Variants in SORCS2 observed in about 807,000 individuals in gnomAD.
SORCS2 encodes the protein sortilin related VPS10 domain containing receptor 2.
Under a neutral mutation model 141.6 loss-of-function variants are expected in SORCS2, and 100 were observed. The ratio of observed to expected loss-of-function variants is 0.71; its 90% CI spans 0.60 to 0.83. SORCS2 has a LOEUF of 0.83. SORCS2 is among the 40% of genes least tolerant of loss of function. The probability of loss-of-function intolerance (pLI) is 0.00; values close to 1 mark genes in which losing one functional copy is unlikely to be tolerated. For synonymous variants in SORCS2, 789 were observed against 676.9 expected, an observed-to-expected ratio of 1.17 and a Z score of -2.57; for missense variants, 1,646 against 1,560.2, an observed-to-expected ratio of 1.05 and a Z score of -0.93.
intron 3 of SORCS2, among the ~76,000 whole-genome samples, chr4:7,551,706 C>T (rs149435661): frequency 7.2e-5 from 11 of 152,312 alleles, no homozygotes; most frequent in South Asian, 2.1e-4. Context: ...CACCCTCACC[C>T]GGAGCCTTCC....
intron 23 of SORCS2, among the ~76,000 whole-genome samples, chr4:7,730,478 C>T (rs542304484): frequency 2.7e-4 from 41 of 152,334 alleles, no homozygotes; most frequent in East Asian, 3.9e-4. Flanking sequence ...CATTACTCAT[C>T]GTAGCCAAAA....
At position 7,201,644 on chromosome 4, in the gene SORCS2, A is replaced by T. The variant is rs1350940784; in HGVS notation, c.480+8518A>T. On this transcript the variant is annotated intron_variant, in intron 1 of 26. Coordinates refer to ENST00000507866, the MANE Select transcript of SORCS2 (RefSeq NM_020777.3). The surrounding 1 kb of genome is among the most constrained non-coding windows in gnomAD (Gnocchi z 4.4). ...CCTTTTCCGGTGCAGGAAGAAATGG[A>T]GGGGAAGCTTGTACGTTGCCTCCTC... Among the ~76,000 whole-genome samples the T allele has an allele frequency of 6.6e-6, 1 of 152,130 alleles. No homozygotes were observed. Among genetic ancestry groups the T allele is most frequent in the Non-Finnish European group, 1.5e-5 (1 of 68,022 alleles).
chr4:7,600,066 C>T (rs558331034), intron 3 of SORCS2, among the ~76,000 whole-genome samples: 3 of 152,210 alleles, frequency 2.0e-5, no homozygotes, highest in African/African-American at 7.2e-5. Flanking sequence ...AAGTGATCCA[C>T]CCACCTTGGC....
At chr4:7,737,605 T>C (rs1712296095) in intron 26 of SORCS2, among the ~76,000 whole-genome samples, 1 of 152,192 alleles carries the variant, frequency 6.6e-6, no homozygotes, top group African/African-American at 2.4e-5. Flanking sequence ...ACGCCACACA[T>C]GGACCTGCGG....
intron 2 of SORCS2, among the ~76,000 whole-genome samples, chr4:7,415,732 T>C (rs1725625362): frequency 6.6e-6 from 1 of 152,240 alleles, no homozygotes; most frequent in African/African-American, 2.4e-5. Context: ...GGCACCAAGA[T>C]TGAACACAAG....
chr4:7,409,799 A>G (rs999158618), intron 2 of SORCS2, among the ~76,000 whole-genome samples: 1 of 152,164 alleles, frequency 6.6e-6, no homozygotes, highest in Admixed American at 6.5e-5. Flanking sequence ...TCACATTTGC[A>G]TTCTGAAATA....
chr4:7,316,212 T>TTCCA (rs376660766), intron 1 of SORCS2, among the ~76,000 whole-genome samples: 9,449 of 150,452 alleles, frequency 0.063, 322 homozygotes, highest in Middle Eastern at 0.1. Flanking sequence ...CTAGCTTTCC[T>TTCCA]TCCATCCATC....
At chr4:7,692,549 C>T (rs1253808575) in intron 11 of SORCS2, among the ~76,000 whole-genome samples, 1 of 152,216 alleles carries the variant, frequency 6.6e-6, no homozygotes, top group African/African-American at 2.4e-5. Context: ...ACACTGGGCA[C>T]TCCTGCCCCC....
At chr4:7,480,007 G>T (rs1392168819) in intron 2 of SORCS2, among the ~76,000 whole-genome samples, 5 of 152,242 alleles carry the variant, frequency 3.3e-5, no homozygotes, top group Non-Finnish European at 5.9e-5. Context: ...CTCAGGGTCT[G>T]CTTAGGCACC....
chr4:7,450,758 T>A (rs1234891336), intron 2 of SORCS2, among the ~76,000 whole-genome samples: 1 of 151,238 alleles, frequency 6.6e-6, no homozygotes, highest in East Asian at 1.9e-4. Context: ...AGTGAGAGAG[T>A]GAGTGAGTAA....
chr4:7,681,665 C>G (rs1186051984), intron 9 of SORCS2, among the ~76,000 whole-genome samples: 1 of 152,224 alleles, frequency 6.6e-6, no homozygotes, highest in Non-Finnish European at 1.5e-5. Flanking sequence ...AGCTCAGACC[C>G]CAGTCTGCTG....
At chr4:7,551,415 C>T (rs187890239) in intron 3 of SORCS2, among the ~76,000 whole-genome samples, 3 of 152,224 alleles carry the variant, frequency 2.0e-5, no homozygotes, top group Non-Finnish European at 2.9e-5. Flanking sequence ...CAAAGTCCAG[C>T]GGGGAAGACA....
intron 2 of SORCS2, among the ~76,000 whole-genome samples, chr4:7,528,507 C>T (rs1403318929): frequency 1.3e-5 from 2 of 152,066 alleles, no homozygotes; most frequent in African/African-American, 2.4e-5. Context: ...CTCACTGCAA[C>T]CTCCACCTCC....
intron 4 of SORCS2, among the ~76,000 whole-genome samples, chr4:7,653,657 G>T (rs1232289563): frequency 2.0e-5 from 3 of 152,148 alleles, no homozygotes; most frequent in African/African-American, 7.2e-5. Flanking sequence ...ACGCTGTGAG[G>T]CTGGCCCTGG....
chr4:7,212,326 T>A lies in SORCS2; in HGVS notation c.480+19200T>A, dbSNP rs553853948. Reference sequence around the variant, plus strand: ...GCGGGGAACACGTTCCTGTTTCCTGTCTCTGCCTTTGTGTCTCCTGCAATG... The same window carrying A: ...GCGGGGAACACGTTCCTGTTTCCTGACTCTGCCTTTGTGTCTCCTGCAATG... On this transcript the variant is annotated intron_variant, in intron 1 of 26. Coordinates refer to ENST00000507866, the MANE Select transcript of SORCS2 (RefSeq NM_020777.3). 1.5e-4 allele frequency among the ~76,000 whole-genome samples: 23 copies of A among 152,326 alleles called. No homozygotes were observed. The South Asian group carries it at 4.8e-3, about 32-fold the overall frequency.
chr4:7,307,062 C>T (rs950960036), intron 1 of SORCS2, among the ~76,000 whole-genome samples: 1 of 152,152 alleles, frequency 6.6e-6, no homozygotes, highest in African/African-American at 2.4e-5. Context: ...CTCAAGGGGT[C>T]CTGCTGTGAT....
intron 2 of SORCS2, among the ~76,000 whole-genome samples, chr4:7,493,577 G>A (rs1191825198): frequency 6.6e-6 from 1 of 152,172 alleles, no homozygotes; most frequent in African/African-American, 2.4e-5. Flanking sequence ...CCCAGCTGGA[G>A]GATAAAGTGT....
At chr4:7,497,185 C>A (rs1405335777) in intron 2 of SORCS2, among the ~76,000 whole-genome samples, 4 of 152,244 alleles carry the variant, frequency 2.6e-5, no homozygotes, top group African/African-American at 9.6e-5. Context: ...CCTGCCCCTG[C>A]CACACTCTGG....
At chr4:7,572,431 C>A (rs569790783) in intron 3 of SORCS2, among the ~76,000 whole-genome samples, 1 of 151,988 alleles carries the variant, frequency 6.6e-6, no homozygotes, top group African/African-American at 2.4e-5. Flanking sequence ...AGTTTCTTTA[C>A]GTGAATTTTT....
Sources: gnomAD v4.1 joint callset for allele counts (sites outside exome capture counted in the v4.1 genomes callset) on GRCh38, gnomAD v4.1.1 for gene constraint, Gnocchi (gnomAD v3.1) non-coding constraint, MANE v1.5 for transcripts, NCBI Gene and HGNC (gene_info 2026-07-23, HGNC 2026-07-21) for gene names.